PTBP3: variants seen among roughly 807,000 people sequenced by gnomAD.
PTBP3 encodes the protein polypyrimidine tract binding protein 3.
Under a neutral mutation model 58.7 loss-of-function variants are expected in PTBP3, and 20 were observed. That is an observed-to-expected ratio of 0.34 (90% CI 0.24 to 0.50). The LOEUF (loss-of-function observed/expected upper bound fraction) is 0.50, where lower values mean the gene tolerates loss of function less well. Ranked by LOEUF, PTBP3 falls within the 20% of genes least tolerant of loss-of-function variation. The probability of loss-of-function intolerance (pLI) is 0.98; values close to 1 mark genes in which losing one functional copy is unlikely to be tolerated. For missense variants in PTBP3, 509 were observed against 637.2 expected (o/e 0.80, Z 2.17); for synonymous variants, 185 against 219.8 (o/e 0.84, Z 1.40).
chr9:112,297,867 G>C lies in PTBP3; in HGVS notation c.-2C>G. On this transcript the variant is annotated 5_prime_UTR_variant, in exon 2 of 14. Coordinates refer to ENST00000374257, the MANE Select transcript of PTBP3 (RefSeq NM_001163788.4). Reference sequence around the variant, plus strand: ...TGTAGAAGGAGTAGAACTATTCATGGTAAAAGGTCCGTTAATGATGCCAGA... The same window carrying C: ...TGTAGAAGGAGTAGAACTATTCATGCTAAAAGGTCCGTTAATGATGCCAGA... 6.2e-6 allele frequency: 10 copies of C among 1,611,806 alleles called. No individual in the cohort carries two copies. The highest frequency in any genetic ancestry group is 8.5e-6 in the Non-Finnish European group (10 of 1,179,210).
At chr9:112,332,651 A>T in intron 1 of PTBP3, 1 of 1,108,262 alleles carries the variant, frequency 9.0e-7, no homozygotes, top group Non-Finnish European at 1.2e-6. Flanking sequence ...GTCCCACCCC[A>T]TATCCCTGAG....
the PTBP3 span, among the ~76,000 whole-genome samples, chr9:112,341,383 C>T: frequency 2.0e-5 from 3 of 152,158 alleles, no homozygotes; most frequent in Non-Finnish European, 4.4e-5. Context: ...CCGCCTGCCT[C>T]GGCCTCTTGA....
rs1284831763 is a variant in PTBP3 at position 112,222,227 on chromosome 9, G to C, written c.*1624C>G. The C allele has an allele frequency of 1.0e-6, 1 of 978,180 alleles. No homozygotes were observed. 60.6% of individuals were successfully genotyped at this position (978,180 alleles called of 1,614,324 possible). A position where few individuals can be genotyped will look rare whatever the true frequency, so the allele number is the denominator to read the frequency against. ...CTTTAAAAAATTCTGATCAACAATT[G>C]AAGAAATAATAGCAAAGTTTCTTAT... On this transcript the variant is annotated 3_prime_UTR_variant, in exon 14 of 14. Transcript: ENST00000374257.
the PTBP3 span, among the ~76,000 whole-genome samples, chr9:112,345,600 T>G: frequency 1.3e-5 from 2 of 151,736 alleles, no homozygotes; most frequent in Non-Finnish European, 2.9e-5. Flanking sequence ...AGGCTGGTTT[T>G]GAACTCCAGA....
intron 7 of PTBP3, among the ~76,000 whole-genome samples, chr9:112,243,537 G>A (rs1835747008): frequency 4.6e-5 from 7 of 151,166 alleles, no homozygotes; most frequent in Admixed American, 4.6e-4. Flanking sequence ...TCGAGACTCT[G>A]TCTCAAAAAA....
At chr9:112,277,956 C>CATAACATAAT (rs1827696936) in intron 2 of PTBP3, among the ~76,000 whole-genome samples, 9 of 98,556 alleles carry the variant, frequency 9.1e-5, no homozygotes, top group Admixed American at 7.8e-4. Context: ...TATAACATAA[C>CATAACATAAT]ATAACATAAC....
In PTBP3 at chr9:112,221,810, T is replaced by C; in HGVS notation, c.*2041A>G. The C allele has an allele frequency of 1.0e-6, 1 of 985,162 alleles. No individual in the cohort carries two copies. The highest frequency in any genetic ancestry group is 1.2e-6 in the Non-Finnish European group (1 of 829,644). The allele number at this position is 985,162 out of a possible 1,614,324, so 61.0% of individuals were successfully genotyped here. ...TGCTTTTTAAACAATCTGTATCATCTCTTGCAGTCTCTATTTTTTGGTAAA... is the reference window on the plus strand; with the variant it reads ...TGCTTTTTAAACAATCTGTATCATCCCTTGCAGTCTCTATTTTTTGGTAAA... On this transcript the variant is annotated 3_prime_UTR_variant, in exon 14 of 14. Transcript: ENST00000374257.
At chr9:112,227,879 C>T (rs1262166269) in intron 11 of PTBP3, among the ~76,000 whole-genome samples, 1 of 152,002 alleles carries the variant, frequency 6.6e-6, no homozygotes, top group East Asian at 1.9e-4. Context: ...TTCAGAGTGC[C>T]TGGAACATAG....
rs1476697926 is a variant in PTBP3, at chr9:112,223,583, T to G, written c.*268A>C. 8.9e-7 allele frequency: 1 copy of G among 1,121,496 alleles called. No homozygotes were observed. The highest frequency in any genetic ancestry group is 1.1e-6 in the Non-Finnish European group (1 of 897,814). The allele number at this position is 1,121,496 out of a possible 1,614,324, so 69.5% of individuals were successfully genotyped here. On this transcript the variant is annotated 3_prime_UTR_variant, in exon 14 of 14. Coordinates refer to ENST00000374257, the MANE Select transcript of PTBP3 (RefSeq NM_001163788.4). ...TCTAATTTAATATAGGGAATAAGAT[T>G]ATTGAAAAAAAATTTTTTTCCTGAT...
At chr9:112,318,308 T>C (rs1416350694) in intron 1 of PTBP3, among the ~76,000 whole-genome samples, 1 of 152,228 alleles carries the variant, frequency 6.6e-6, no homozygotes, top group Non-Finnish European at 1.5e-5. Context: ...TAAGTAAGTT[T>C]TTATAGCAAT....
the PTBP3 span, among the ~76,000 whole-genome samples, chr9:112,366,653 G>A: frequency 1.3e-5 from 2 of 152,226 alleles, no homozygotes; most frequent in Non-Finnish European, 2.9e-5. Flanking sequence ...GGATGCCCAG[G>A]CAGAAGTTTG....
intron 4 of PTBP3, among the ~76,000 whole-genome samples, chr9:112,265,954 T>C (rs1187041681): frequency 6.6e-6 from 1 of 152,168 alleles, no homozygotes; most frequent in Non-Finnish European, 1.5e-5. Flanking sequence ...CATATGTAGA[T>C]TCTTTTTTTA....
intron 7 of PTBP3, among the ~76,000 whole-genome samples, chr9:112,241,661 C>T (rs1835664481): frequency 1.3e-5 from 2 of 152,114 alleles, no homozygotes; most frequent in South Asian, 2.1e-4. Context: ...ACAACAAAAC[C>T]ACCTAATGAC....
chr9:112,304,512 G>A (rs990181742), intron 1 of PTBP3, among the ~76,000 whole-genome samples: 2 of 152,064 alleles, frequency 1.3e-5, no homozygotes, highest in Non-Finnish European at 2.9e-5. Flanking sequence ...TCTATGCTCC[G>A]CTCTATTATC....
At position 112,221,942 on chromosome 9, in the gene PTBP3, T is replaced by G; in HGVS notation, c.*1909A>C. The G allele has an allele frequency of 1.1e-6, 1 of 948,990 alleles. No individual in the cohort carries two copies. The highest frequency in any genetic ancestry group is 4.9e-5 in the South Asian group (1 of 20,488). 58.8% of individuals were successfully genotyped at this position (948,990 alleles called of 1,614,324 possible). On this transcript the variant is annotated 3_prime_UTR_variant, in exon 14 of 14. Transcript: ENST00000374257. ...TTTAAGAGAAGGGGTCACACTATGT[T>G]CCAGGGCTGGAGTGAAGTGGCTATT...
At chr9:112,234,937 T>C in intron 7 of PTBP3, 40 bp from the exon 8 acceptor site, 19 of 1,509,534 alleles carry the variant, frequency 1.3e-5, no homozygotes, top group Non-Finnish European at 1.6e-5. Flanking sequence ...CACTACCTTC[T>C]ATAAATATCG....
intron 1 of PTBP3, among the ~76,000 whole-genome samples, chr9:112,310,689 T>C (rs1002849943): frequency 1.3e-5 from 2 of 152,304 alleles, no homozygotes; most frequent in Admixed American, 6.5e-5. Context: ...AAGTCTTAAG[T>C]GCTTCTTAAA....
intron 6 of PTBP3, chr9:112,252,467 T>A (rs1249487905): frequency 1.3e-5 from 7 of 531,232 alleles, no homozygotes; most frequent in Non-Finnish European, 2.3e-5. Context: ...ATGTGAGAGG[T>A]GATAGGAGAT....
upstream of PTBP3, among the ~76,000 whole-genome samples, chr9:112,336,085 G>A (rs1830574635): frequency 6.6e-6 from 1 of 152,048 alleles, no homozygotes; most frequent in South Asian, 2.1e-4. Flanking sequence ...TGTTGGCCAG[G>A]CTGCTCTTGA....
Sources: gnomAD v4.1 joint callset for allele counts (sites outside exome capture counted in the v4.1 genomes callset) on GRCh38, gnomAD v4.1.1 for gene constraint, MANE v1.5 for transcripts, NCBI Gene and HGNC (gene_info 2026-07-23, HGNC 2026-07-21) for gene names.